The following DIAPH2 variants were observed in gnomAD, a reference collection of about 807,000 sequenced individuals.
The protein encoded by DIAPH2 is protein diaphanous homolog 2.
In DIAPH2, 35 loss-of-function variants were observed where a neutral mutation model predicts 92.7. The ratio of observed to expected loss-of-function variants is 0.38; its 90% CI spans 0.29 to 0.50. The LOEUF is 0.50. Ranked by LOEUF, DIAPH2 falls within the 20% of genes least tolerant of loss-of-function variation. The pLI, the probability that DIAPH2 is intolerant of heterozygous loss-of-function variation, is 0.94. For missense variants in DIAPH2, 701 were observed against 819.5 expected (o/e 0.86, Z 1.77); for synonymous variants, 301 against 280.4 (o/e 1.07, Z -0.73).
intron 22 of DIAPH2, among the ~76,000 whole-genome samples, chrX:97,214,826 C>T (rs1259847699): frequency 5.1e-5 from 4 of 78,274 alleles, no homozygotes; most frequent in African/African-American, 1.9e-4. Context: ...AGCAAAACTC[C>T]GTCTCAAATT....
intron 3 of DIAPH2, among the ~76,000 whole-genome samples, chrX:96,750,804 A>G: frequency 8.9e-6 from 1 of 112,849 alleles, no homozygotes. Flanking sequence ...AATTTTCAGT[A>G]ATGATCTATA....
intron 23 of DIAPH2, among the ~76,000 whole-genome samples, chrX:97,296,291 A>G (rs1320642384): frequency 9.0e-6 from 1 of 111,691 alleles, no homozygotes. Context: ...TAATATAGGA[A>G]TTTTCCCTAC....
chrX:96,752,459 GC>G (rs1485582390), intron 3 of DIAPH2, among the ~76,000 whole-genome samples: 2 of 112,347 alleles, frequency 1.8e-5, no homozygotes, highest in African/African-American at 3.2e-5. Context: ...CCTATTTTCA[GC>G]TTCGAGTTTA....
intron 5 of DIAPH2, among the ~76,000 whole-genome samples, chrX:96,906,122 G>A (rs1285995923): frequency 8.9e-6 from 1 of 112,072 alleles, no homozygotes; most frequent in Admixed American, 9.4e-5. Context: ...GCGAGACTCC[G>A]TCTCAAAAAA....
At chrX:96,914,676 T>C (rs1003008785) in intron 7 of DIAPH2, among the ~76,000 whole-genome samples, 9 of 110,940 alleles carry the variant, frequency 8.1e-5, no homozygotes, top group Non-Finnish European at 1.3e-4. Flanking sequence ...CCCTTTTTTT[T>C]TTTAACAGAA....
At chrX:96,829,000 A>T (rs942417333) in intron 4 of DIAPH2, among the ~76,000 whole-genome samples, 1 of 112,321 alleles carries the variant, frequency 8.9e-6, no homozygotes, top group Non-Finnish European at 1.9e-5. Flanking sequence ...AAAATTTAGC[A>T]TGCTTTCCGA....
intron 22 of DIAPH2, among the ~76,000 whole-genome samples, chrX:97,218,760 G>A (rs1015513482): frequency 2.7e-5 from 3 of 111,678 alleles, no homozygotes; most frequent in East Asian, 2.8e-4. Context: ...GTATACTTTC[G>A]ACATCTGTAG....
intron 5 of DIAPH2, among the ~76,000 whole-genome samples, chrX:96,896,594 A>G (rs1311646861): frequency 8.9e-6 from 1 of 112,205 alleles, no homozygotes; most frequent in Non-Finnish European, 1.9e-5. Flanking sequence ...TTTAATTAAA[A>G]TTATTTGTTT....
chrX:96,994,437 G>A (rs751353501), intron 17 of DIAPH2, among the ~76,000 whole-genome samples: 2 of 111,839 alleles, frequency 1.8e-5, no homozygotes, highest in African/African-American at 6.5e-5. Context: ...AGATAGTTAA[G>A]TGGCTATAGG....
intron 19 of DIAPH2, among the ~76,000 whole-genome samples, chrX:97,090,799 C>T (rs761914594): frequency 1.8e-5 from 2 of 111,031 alleles, no homozygotes; most frequent in African/African-American, 3.3e-5. Context: ...ATTTGAGATA[C>T]GTCTCTAATA....
Position 97,348,055 on chromosome X carries a change from A to T in DIAPH2, c.2845-61A>T, listed in dbSNP as rs1012166313. The stretch of plus-strand genomic sequence containing the variant: ...AGTGATGATTTAATTTAATCTTAAC[A>T]TCTAGTGATTGATTGCCTTTAAAAG... On this transcript the variant is annotated intron_variant, in intron 23 of 26. Coordinates refer to ENST00000324765, the MANE Select transcript of DIAPH2 (RefSeq NM_006729.5). 3.2e-5 allele frequency: 33 copies of T among 1,038,234 alleles called. No homozygotes were observed. In the African/African-American group the frequency reaches 5.3e-4, roughly 17 times the overall value. The allele number at this position is 1,038,234 out of a possible 1,213,427, so 85.6% of individuals were successfully genotyped here.
chrX:96,897,027 C>T (rs763005417), intron 5 of DIAPH2, among the ~76,000 whole-genome samples: 69 of 111,235 alleles, frequency 6.2e-4, no homozygotes, highest in African/African-American at 2.2e-3. Context: ...TTTGAATATT[C>T]GTTGTATTTA....
chrX:96,845,022 G>T lies in DIAPH2; in HGVS notation c.448-36557G>T, dbSNP rs1371166141. 1.5e-4 allele frequency among the ~76,000 whole-genome samples: 17 copies of T among 111,495 alleles called. No individual in the cohort carries two copies. The Admixed American group carries it at 1.6e-3, about 11-fold the overall frequency. ...TATCATTAATCTGGCTTTACATATGGGCTGGTCTCACTTATCCTGGAGGCA... is the reference window on the plus strand; with the variant it reads ...TATCATTAATCTGGCTTTACATATGTGCTGGTCTCACTTATCCTGGAGGCA... On this transcript the variant is annotated intron_variant, in intron 4 of 26. Coordinates refer to ENST00000324765, the MANE Select transcript of DIAPH2 (RefSeq NM_006729.5).
At chrX:97,159,444 G>A (rs980355524) in intron 22 of DIAPH2, among the ~76,000 whole-genome samples, 3 of 111,886 alleles carry the variant, frequency 2.7e-5, no homozygotes, top group Non-Finnish European at 5.6e-5. Context: ...AATCTAATTA[G>A]TCCTTGTAGC....
intron 26 of DIAPH2, among the ~76,000 whole-genome samples, chrX:97,587,352 C>T (rs2071485942): frequency 9.0e-6 from 1 of 110,953 alleles, no homozygotes; most frequent in Non-Finnish European, 1.9e-5. Context: ...TAGAAATAAT[C>T]TCTTTCTACC....
At chrX:96,914,316 A>C (rs1346009736) in intron 7 of DIAPH2, among the ~76,000 whole-genome samples, 1 of 111,013 alleles carries the variant, frequency 9.0e-6, no homozygotes, top group Non-Finnish European at 1.9e-5. Context: ...TACAAAGTTA[A>C]ACAGAATCTG....
intron 1 of DIAPH2, among the ~76,000 whole-genome samples, chrX:96,730,668 G>C (rs1314459840): frequency 8.9e-6 from 1 of 111,832 alleles, no homozygotes; most frequent in Admixed American, 9.5e-5. Context: ...GCTTTATATT[G>C]TGATTGTTCT....
chrX:96,705,156 T>G (rs747532839), intron 1 of DIAPH2, among the ~76,000 whole-genome samples: 18 of 109,899 alleles, frequency 1.6e-4, no homozygotes, highest in African/African-American at 5.6e-4. Flanking sequence ...GTATTTTTAG[T>G]CGAGACAGGG....
intron 5 of DIAPH2, among the ~76,000 whole-genome samples, chrX:96,901,147 C>T (rs761666952): frequency 5.4e-5 from 6 of 110,636 alleles, no homozygotes; most frequent in Non-Finnish European, 9.5e-5. Context: ...TTGCTTGTTA[C>T]TGGTCTGTTC....
Sources: allele counts gnomAD v4.1 joint callset (sites outside exome capture counted in the v4.1 genomes callset), GRCh38; gene constraint gnomAD v4.1.1; transcripts MANE v1.5; gene names NCBI Gene and HGNC (gene_info 2026-07-23, HGNC 2026-07-21).